CACNB2: variants seen among roughly 807,000 people sequenced by gnomAD.
CACNB2 encodes voltage-dependent L-type calcium channel subunit beta-2.
Under a neutral mutation model 73.3 loss-of-function variants are expected in CACNB2, and 42 were observed. The observed-to-expected ratio is 0.57, with a 90% CI of 0.45 to 0.74. The LOEUF is 0.74. CACNB2 is among the 30% of genes least tolerant of loss of function. The probability of loss-of-function intolerance (pLI) is 0.00; values close to 1 mark genes in which losing one functional copy is unlikely to be tolerated. For synonymous variants in CACNB2, 348 were observed against 310.3 expected, an observed-to-expected ratio of 1.12 and a Z score of -1.28; for missense variants, 940 against 853.0, an observed-to-expected ratio of 1.10 and a Z score of -1.27.
intron 3 of CACNB2, among the ~76,000 whole-genome samples, chr10:18,462,895 A>C (rs1589429958): frequency 6.6e-6 from 1 of 151,892 alleles, no homozygotes; most frequent in Admixed American, 6.6e-5. Flanking sequence ...AGTAGCTGGG[A>C]TTACAGGTGT....
intron 3 of CACNB2, among the ~76,000 whole-genome samples, chr10:18,487,286 C>T (rs755482286): frequency 3.9e-5 from 6 of 152,112 alleles, no homozygotes; most frequent in Admixed American, 2.0e-4. Context: ...GGCACAGCTG[C>T]GGCATTTACC....
At chr10:18,465,068 G>A (rs2047803164) in intron 3 of CACNB2, among the ~76,000 whole-genome samples, 3 of 152,196 alleles carry the variant, frequency 2.0e-5, no homozygotes, top group Admixed American at 6.5e-5. Context: ...GGTGGCTCAC[G>A]CCTGTAATCC....
intron 2 of CACNB2, among the ~76,000 whole-genome samples, chr10:18,170,369 A>G (rs2033141774): frequency 6.6e-6 from 1 of 152,234 alleles, no homozygotes; most frequent in Non-Finnish European, 1.5e-5. Context: ...CTCCAGGGAA[A>G]GGTGAAAGAA....
chr10:18,392,777 T>G (rs1199888554), intron 2 of CACNB2, among the ~76,000 whole-genome samples: 1 of 152,178 alleles, frequency 6.6e-6, no homozygotes, highest in Non-Finnish European at 1.5e-5. Context: ...TTCTCCCATT[T>G]CATTGAATTT....
At chr10:18,320,421 AT>A (rs2040359084) in intron 2 of CACNB2, among the ~76,000 whole-genome samples, 1 of 152,336 alleles carries the variant, frequency 6.6e-6, no homozygotes, top group East Asian at 1.9e-4. Context: ...GTGAACATAT[AT>A]TTAATGAATG....
At chr10:18,533,962 T>C in intron 10 of CACNB2, 114 bp from the exon 11 acceptor site, 1 of 917,912 alleles carries the variant, frequency 1.1e-6, no homozygotes, top group South Asian at 1.4e-5. Flanking sequence ...TTCTATTGCC[T>C]GTAAGCATTA....
At chr10:18,313,932 C>T (rs188315046) in intron 2 of CACNB2, among the ~76,000 whole-genome samples, 2 of 152,294 alleles carry the variant, frequency 1.3e-5, no homozygotes, top group African/African-American at 4.8e-5. Context: ...AAGTAAATTC[C>T]GCTTCATTGA....
rs934865661 is a variant in CACNB2 at position 18,303,222 on chromosome 10, G to T, written c.214-98702G>T. ...GAGAAATGTTTAAGAAAGGGAGAAG[G>T]CCAGGCATGGTGACTCATCCCTGTA... is the stretch of plus-strand genomic sequence containing the variant. On this transcript the variant is annotated intron_variant, in intron 2 of 13. Coordinates refer to ENST00000324631, the MANE Select transcript of CACNB2 (RefSeq NM_201596.3). 2.0e-5 allele frequency among the ~76,000 whole-genome samples: 3 copies of T among 152,246 alleles called. No individual in the cohort carries two copies. The South Asian group carries it at 6.2e-4, about 32-fold the overall frequency.
chr10:18,516,780 G>GTAGACA (rs1305017659), intron 7 of CACNB2, among the ~76,000 whole-genome samples: 1 of 150,924 alleles, frequency 6.6e-6, no homozygotes, highest in Non-Finnish European at 1.5e-5. Flanking sequence ...GTGCTTGTGT[G>GTAGACA]GTACGTGTGC....
At position 18,357,375 on chromosome 10, in the gene CACNB2, A is replaced by G. The variant is rs575605379; in HGVS notation, c.214-44549A>G. Among the ~76,000 whole-genome samples, 31 of 152,278 alleles carry G rather than the reference A, an allele frequency of 2.0e-4. 1 individual carries two copies. The South Asian group carries it at 4.6e-3, about 22-fold the overall frequency. The stretch of plus-strand genomic sequence containing the variant: ...GTCAAAATACTGACCCAATGAATAA[A>G]AAGATTAATTTATTCTCTGGTAATG... On this transcript the variant is annotated intron_variant, in intron 2 of 13. Transcript: ENST00000324631.
chr10:18,308,145 C>A (rs2039816413), intron 2 of CACNB2, among the ~76,000 whole-genome samples: 2 of 151,824 alleles, frequency 1.3e-5, no homozygotes, highest in South Asian at 2.1e-4. Context: ...AGGCACCCGC[C>A]ACCATGCCAG....
At chr10:18,472,221 C>CTT (rs200348808) in intron 3 of CACNB2, among the ~76,000 whole-genome samples, 71 of 119,326 alleles carry the variant, frequency 6.0e-4, no homozygotes, top group East Asian at 9.4e-4. Flanking sequence ...CACTTTTCTT[C>CTT]TTTTTTTTTT....
At chr10:18,513,750 C>A in intron 6 of CACNB2, 1 of 206,678 alleles carries the variant, frequency 4.8e-6, no homozygotes. Flanking sequence ...AACATAACCA[C>A]ATTTATTTAA....
intron 2 of CACNB2, among the ~76,000 whole-genome samples, chr10:18,324,408 A>T (rs1479419310): frequency 6.6e-6 from 1 of 152,244 alleles, no homozygotes; most frequent in Non-Finnish European, 1.5e-5. Flanking sequence ...AAGTTTTGGT[A>T]GCCTTGCCAG....
intron 3 of CACNB2, among the ~76,000 whole-genome samples, chr10:18,448,795 G>T (rs1307443356): frequency 6.6e-6 from 1 of 152,174 alleles, no homozygotes. Context: ...GAAGTTACCA[G>T]GAATGAAAGA....
rs1317894769 is a variant in CACNB2, at chr10:18,220,138, TATATATATATATATATAC to T, written c.213+69165_213+69182del. Among the ~76,000 whole-genome samples the T allele has an allele frequency of 6.7e-3, 247 of 36,958 alleles. 27 individuals are homozygous for T. In the African/African-American group the frequency reaches 0.068, roughly 10 times the overall value. 24.2% of individuals were successfully genotyped at this position (36,958 alleles called of 152,430 possible). A position where few individuals can be genotyped will look rare whatever the true frequency, so the allele number is the denominator to read the frequency against. On this transcript the variant is annotated intron_variant, in intron 2 of 13. Transcript: ENST00000324631. ...ATATATATATATATATATATATATA[TATATATATATATATATAC>T]ACACACACACACACACATACATATA... is the stretch of plus-strand genomic sequence containing the variant.
chr10:18,532,043 G>A (rs1425934472), intron 10 of CACNB2: 2 of 152,102 alleles, frequency 1.3e-5, no homozygotes, highest in South Asian at 2.1e-4. Context: ...AGTAAATTCT[G>A]AGCATGATAT....
chr10:18,337,437 C>T (rs1386549371), intron 2 of CACNB2, among the ~76,000 whole-genome samples: 2 of 152,174 alleles, frequency 1.3e-5, no homozygotes, highest in Admixed American at 1.3e-4. Context: ...CCCATTGTAG[C>T]ATTTGTTATG....
chr10:18,406,118 G>A lies in CACNB2; in HGVS notation c.333+4075G>A, dbSNP rs1045975251. On this transcript the variant is annotated intron_variant, in intron 3 of 13. Transcript: ENST00000324631. ...GGTGAATAGGAGAGACTGCAAGGCC[G>A]GAGCCACAAAGAAGAAATTGGCAGG... Among the ~76,000 whole-genome samples, 9 of 152,172 alleles carry A rather than the reference G, an allele frequency of 5.9e-5. No homozygotes were observed. The East Asian group carries it at 9.6e-4, about 16-fold the overall frequency.
Sources: allele counts gnomAD v4.1 joint callset (sites outside exome capture counted in the v4.1 genomes callset), GRCh38; gene constraint gnomAD v4.1.1; transcripts MANE v1.5; gene names NCBI Gene and HGNC (gene_info 2026-07-23, HGNC 2026-07-21).